Variants in CACNG6 observed in about 807,000 individuals in gnomAD.
CACNG6 encodes voltage-dependent calcium channel gamma-6 subunit.
Under a neutral mutation model 23.9 loss-of-function variants are expected in CACNG6, and 21 were observed. The ratio of observed to expected loss-of-function variants is 0.88; its 90% CI spans 0.62 to 1.26. The LOEUF is 1.26. CACNG6 is among the 50% of genes most tolerant of loss of function. The pLI is 0.00. For missense variants in CACNG6, 340 were observed against 352.9 expected (o/e 0.96, Z 0.29); for synonymous variants, 182 against 168.9 (o/e 1.08, Z -0.60).
At chr19:53,993,331 C>CTCGCAT in intron 1 of CACNG6, 123 bp downstream of exon 1, 1 of 1,019,734 alleles carries the variant, frequency 9.8e-7, no homozygotes, top group South Asian at 1.7e-5. Context: ...GACAGCTTGC[C>CTCGCAT]TCGCAGTAAG....
Position 54,012,041 on chromosome 19 carries a change from G to A in CACNG6, c.635G>A (p.Arg212His). 2 of 1,604,692 alleles carry A rather than the reference G, an allele frequency of 1.2e-6. No individual in the cohort carries two copies. The highest frequency in any genetic ancestry group is 2.3e-5 in the East Asian group (1 of 43,618). Reference protein sequence around the residue: ...RVSPEPPPAPRLTYEYSWSLG... With the variant: ...RVSPEPPPAPHLTYEYSWSLG... ...AGCCCGGAGCCTCCCCCGGCCCCAC[G>A]CCTCACCTACGAGTACTCCTGGTCC... The change falls in exon 4 of 4, where the codon CGC becomes CAC. Residue 212 changes from arginine (R) to histidine (H), a missense_variant. Transcript: ENST00000252729.
chr19:54,011,906 C>T, intron 3 of CACNG6, 45 bp from the exon 4 acceptor site: 1 of 1,340,848 alleles, frequency 7.5e-7, no homozygotes, highest in South Asian at 1.8e-5. Context: ...TCAGACACAG[C>T]TGGGGTCGCG....
At chr19:54,011,247 A>ACACACACACACACAC (rs1281429168) in intron 3 of CACNG6, among the ~76,000 whole-genome samples, 1 of 105,964 alleles carries the variant, frequency 9.4e-6, no homozygotes, top group African/African-American at 3.7e-5. Flanking sequence ...CACACACACA[A>ACACACACACACACAC]AAATTAGCCA....
chr19:53,996,261 G>A lies in CACNG6; in HGVS notation c.332-1978G>A, dbSNP rs369304344. On this transcript the variant is annotated intron_variant, in intron 1 of 3. Transcript: ENST00000252729. ...ATCTGTAGAATAAGAGAGTAGGTCAGGCTAGGTGAATTCTGAGGGAATTTC... is the reference window on the plus strand; with the variant it reads ...ATCTGTAGAATAAGAGAGTAGGTCAAGCTAGGTGAATTCTGAGGGAATTTC... Among the ~76,000 whole-genome samples, 7 of 152,272 alleles carry A rather than the reference G, an allele frequency of 4.6e-5. 1 individual carries two copies. The highest frequency in any genetic ancestry group is 4.8e-5 in the African/African-American group (2 of 41,560).
intron 3 of CACNG6, among the ~76,000 whole-genome samples, chr19:54,010,781 A>C (rs2069698087): frequency 6.6e-6 from 1 of 151,502 alleles, no homozygotes; most frequent in East Asian, 2.0e-4. Context: ...GAGTCTTGCT[A>C]TGTTGCCCAG....
At chr19:54,004,072 A>G (rs1469273310) in intron 3 of CACNG6, among the ~76,000 whole-genome samples, 1 of 151,908 alleles carries the variant, frequency 6.6e-6, no homozygotes, top group Non-Finnish European at 1.5e-5. Flanking sequence ...GCCCAGGCTA[A>G]TCTTGAATTC....
intron 3 of CACNG6, among the ~76,000 whole-genome samples, chr19:54,003,714 C>A (rs2069604338): frequency 6.6e-6 from 1 of 152,148 alleles, no homozygotes; most frequent in South Asian, 2.1e-4. Context: ...TGAATGCAAA[C>A]ACTTCCCTCG....
In CACNG6 at chr19:54,011,938, C is replaced by T. The variant is rs1458388190; in HGVS notation, c.545-13C>T. ...CGCGGGCGTCTGACTGCGAGCTGTC[C>T]TCTCTCCCGCAGGCCTGCTGCTCTT... On this transcript the variant is annotated splice_polypyrimidine_tract_variant and intron_variant, in intron 3 of 3. Transcript: ENST00000252729. 55 of 1,473,858 alleles carry T rather than the reference C, an allele frequency of 3.7e-5. No individual in the cohort carries two copies. Among genetic ancestry groups the T allele is most frequent in the Non-Finnish European group, 4.6e-5 (51 of 1,110,392 alleles). 91.3% of individuals were successfully genotyped at this position (1,473,858 alleles called of 1,614,324 possible). A position where few individuals can be genotyped will look rare whatever the true frequency, so the allele number is the denominator to read the frequency against.
rs753997457 is a variant in CACNG6 at position 54,012,103 on chromosome 19, T to C, written c.697T>C (p.Leu233=). The C allele has an allele frequency of 1.3e-6, 2 of 1,575,078 alleles. No homozygotes were observed. Among genetic ancestry groups the C allele is most frequent in the Non-Finnish European group, 1.7e-6 (2 of 1,162,526 alleles). ...CGTGGGGGCCGGCCTGATCCTGCTG[T>C]TGGGGGCCGGCTGCTTTCTGCTGCT... ...CGVGAGLILL[L]GAGCFLLLTL... Residue 233 remains leucine (L), a synonymous_variant, in exon 4 of 4, where the codon TTG becomes CTG. Coordinates refer to ENST00000252729, the MANE Select transcript of CACNG6 (RefSeq NM_145814.2).
intron 1 of CACNG6, 40 bp downstream of exon 1, chr19:53,993,248 C>A: frequency 6.6e-7 from 1 of 1,510,430 alleles, no homozygotes; most frequent in South Asian, 1.2e-5. Flanking sequence ...TTGCGTCCCA[C>A]GGACAGGGAG....
At position 54,011,475 on chromosome 19, in the gene CACNG6, A is replaced by C. The variant is rs1052011094; in HGVS notation, c.545-476A>C. Among the ~76,000 whole-genome samples, 4 of 150,582 alleles carry C rather than the reference A, an allele frequency of 2.7e-5. No homozygotes were observed. In the East Asian group the frequency reaches 7.8e-4, roughly 29 times the overall value. On this transcript the variant is annotated intron_variant, in intron 3 of 3. Transcript: ENST00000252729. ...AAAACAAAACAAAACAAAAACAAAA[A>C]ACTAAGGAACCATATTCACCCTACA...
chr19:54,011,778 T>C (rs2069717912), intron 3 of CACNG6, among the ~76,000 whole-genome samples, 173 bp from the exon 4 acceptor site: 2 of 144,072 alleles, frequency 1.4e-5, no homozygotes, highest in Non-Finnish European at 1.5e-5. Flanking sequence ...TTTTTCTTTA[T>C]CTCCAGCTTC....
At chr19:54,010,439 C>T (rs8110133) in intron 3 of CACNG6, among the ~76,000 whole-genome samples, 6,426 of 151,988 alleles carry the variant, frequency 0.042, 479 homozygotes, top group African/African-American at 0.15. Flanking sequence ...TGTGCCTGGC[C>T]GCTAATGGAG....
intron 2 of CACNG6, 65 bp from the exon 3 acceptor site, chr19:53,999,569 T>C: frequency 1.3e-6 from 2 of 1,561,314 alleles, no homozygotes; most frequent in Non-Finnish European, 8.7e-7. Context: ...TGGGTTCCTA[T>C]GGGTGAATCC....
At chr19:54,004,847 A>G (rs904991965) in intron 3 of CACNG6, among the ~76,000 whole-genome samples, 9 of 152,202 alleles carry the variant, frequency 5.9e-5, no homozygotes, top group African/African-American at 2.2e-4. Context: ...CAGAGAGACC[A>G]GCACTGACCA....
chr19:54,004,335 TTGTGTGTGTGTGTGTGTG>T lies in CACNG6; in HGVS notation c.544+4604_544+4621del, dbSNP rs4022332. On this transcript the variant is annotated intron_variant, in intron 3 of 3. Transcript: ENST00000252729. ...ACCACGCCTGGTTAATTTTGTATTTTTGTGTGTGTGTGTGTGTGTGTGTGTGTGTGTGTGTGTGTGTGT... is the reference window on the plus strand; with the variant it reads ...ACCACGCCTGGTTAATTTTGTATTTTTGTGTGTGTGTGTGTGTGTGTGTGT... Among the ~76,000 whole-genome samples, 352 of 107,320 alleles carry T rather than the reference TTGTGTGTGTGTGTGTGTG, an allele frequency of 3.3e-3. 3 individuals are homozygous for T. Among genetic ancestry groups the T allele is most frequent in the African/African-American group, 0.012 (294 of 25,278 alleles). 70.4% of individuals were successfully genotyped at this position (107,320 alleles called of 152,430 possible).
chr19:53,997,275 T>C (rs2069529913), intron 1 of CACNG6, among the ~76,000 whole-genome samples: 1 of 152,200 alleles, frequency 6.6e-6, no homozygotes, highest in South Asian at 2.1e-4. Flanking sequence ...GTTATTCTAA[T>C]TCATGGCTAT....
At chr19:54,011,080 C>T (rs948458845) in intron 3 of CACNG6, among the ~76,000 whole-genome samples, 5 of 150,722 alleles carry the variant, frequency 3.3e-5, no homozygotes, top group South Asian at 2.1e-4. Context: ...CAGCCAGGCA[C>T]GGTGGCTCTC....
chr19:53,994,389 C>G (rs2069500205), intron 1 of CACNG6, among the ~76,000 whole-genome samples: 1 of 152,124 alleles, frequency 6.6e-6, no homozygotes, highest in Admixed American at 6.5e-5. Context: ...CCCTCCTTTC[C>G]CAAATCATGG....
Sources: gnomAD v4.1 joint callset for allele counts (sites outside exome capture counted in the v4.1 genomes callset) on GRCh38, gnomAD v4.1.1 for gene constraint, MANE v1.5 for transcripts, NCBI Gene and HGNC (gene_info 2026-07-23, HGNC 2026-07-21) for gene names.